Variants in LRRTM4 observed in about 807,000 individuals in gnomAD.
The protein encoded by LRRTM4 is leucine rich repeat transmembrane neuronal 4, also known as leucine-rich repeat transmembrane neuronal protein 4.
Under a neutral mutation model 47.6 loss-of-function variants are expected in LRRTM4, and 25 were observed. The ratio of observed to expected loss-of-function variants is 0.53; its 90% CI spans 0.38 to 0.73. LRRTM4 has a LOEUF of 0.73. Among genes scored for constraint, LRRTM4 ranks in the 30% least tolerant of loss-of-function variants. The pLI, the probability that LRRTM4 is intolerant of heterozygous loss-of-function variation, is 0.00. For synonymous variants in LRRTM4, 311 were observed against 269.5 expected, an observed-to-expected ratio of 1.15 and a Z score of -1.51; for missense variants, 638 against 713.4, an observed-to-expected ratio of 0.89 and a Z score of 1.20.
At chr2:76,757,023 A>C (rs1489270506) in intron 3 of LRRTM4, among the ~76,000 whole-genome samples, 4 of 152,146 alleles carry the variant, frequency 2.6e-5, no homozygotes, top group African/African-American at 9.7e-5. Context: ...TAATTCATTA[A>C]ATTTATTAAC....
chr2:77,177,863 T>C (rs1259363115), intron 3 of LRRTM4, among the ~76,000 whole-genome samples: 1 of 152,194 alleles, frequency 6.6e-6, no homozygotes, highest in Non-Finnish European at 1.5e-5. Context: ...TTCTTTATGG[T>C]TCCCTTCCAG....
chr2:77,390,157 C>T (rs1225858749), intron 3 of LRRTM4, among the ~76,000 whole-genome samples: 1 of 152,030 alleles, frequency 6.6e-6, no homozygotes, highest in East Asian at 1.9e-4. Context: ...CCAGGAAACA[C>T]TTTTCAACAT....
At chr2:77,452,608 G>A (rs761340940) in intron 3 of LRRTM4, among the ~76,000 whole-genome samples, 7 of 152,192 alleles carry the variant, frequency 4.6e-5, no homozygotes, top group Non-Finnish European at 8.8e-5. Flanking sequence ...GGTCCTGACT[G>A]CAGAAGGATC....
intron 3 of LRRTM4, among the ~76,000 whole-genome samples, chr2:77,447,370 T>C (rs976816014): frequency 6.6e-6 from 1 of 152,094 alleles, no homozygotes; most frequent in Non-Finnish European, 1.5e-5. Context: ...TCATGTGCAA[T>C]TCTGCCCACA....
intron 3 of LRRTM4, among the ~76,000 whole-genome samples, chr2:77,321,918 T>A (rs532207807): frequency 6.6e-6 from 1 of 152,310 alleles, no homozygotes. Context: ...TGTTGTGAAT[T>A]CAATAGAACT....
chr2:76,760,258 G>A (rs549696451), intron 3 of LRRTM4, among the ~76,000 whole-genome samples: 5 of 152,258 alleles, frequency 3.3e-5, no homozygotes, highest in African/African-American at 1.2e-4. Flanking sequence ...ACCTGGCACT[G>A]TGAGGAAAGC....
At chr2:77,044,574 GC>G (rs748602882) in intron 3 of LRRTM4, among the ~76,000 whole-genome samples, 10 of 151,386 alleles carry the variant, frequency 6.6e-5, no homozygotes, top group Non-Finnish European at 1.3e-4. Context: ...GTGTGTGCAT[GC>G]AAAAGGGAGG....
chr2:76,909,995 C>T (rs148283948), intron 3 of LRRTM4, among the ~76,000 whole-genome samples: 4 of 152,056 alleles, frequency 2.6e-5, no homozygotes, highest in South Asian at 2.1e-4. Flanking sequence ...CCCATTACTG[C>T]GTATATACCC....
intron 3 of LRRTM4, among the ~76,000 whole-genome samples, chr2:76,956,797 G>A (rs1222689287): frequency 2.6e-5 from 4 of 151,296 alleles, no homozygotes; most frequent in Non-Finnish European, 5.9e-5. Flanking sequence ...AGGATTTCAA[G>A]AGATTACTAT....
rs545849371 is a variant in LRRTM4, at chr2:77,461,879, G to A, written c.1551+56439C>T. On this transcript the variant is annotated intron_variant, in intron 3 of 3. Transcript: ENST00000409884. ...CTGCTATTTCTTTCTCCTATTTTTG[G>A]CTTTGTCTGCTTTCTTTTAGCAAAA... Among the ~76,000 whole-genome samples, 65 of 152,014 alleles carry A rather than the reference G, an allele frequency of 4.3e-4. No individual in the cohort carries two copies. In the South Asian group the frequency reaches 5.0e-3, roughly 12 times the overall value.
chr2:76,856,222 A>G (rs1357819344), intron 3 of LRRTM4, among the ~76,000 whole-genome samples: 2 of 152,164 alleles, frequency 1.3e-5, no homozygotes, highest in African/African-American at 2.4e-5. Flanking sequence ...GGTTGCAGTG[A>G]GCCAAGATTG....
chr2:77,452,656 A>C (rs887600911), intron 3 of LRRTM4, among the ~76,000 whole-genome samples: 14 of 152,120 alleles, frequency 9.2e-5, no homozygotes, highest in Admixed American at 6.6e-5. Context: ...ACCATCTTAA[A>C]ATTCTTAATA....
In LRRTM4 at chr2:76,796,153, C is replaced by G. The variant is rs930190732; in HGVS notation, c.1552-47237G>C. Among the ~76,000 whole-genome samples, 3 of 144,414 alleles carry G rather than the reference C, an allele frequency of 2.1e-5. 1 individual carries two copies. The highest frequency in any genetic ancestry group is 7.6e-5 in the African/African-American group (3 of 39,572). 94.7% of individuals were successfully genotyped at this position (144,414 alleles called of 152,430 possible). ...CCACAAGATTATATCCCGCACATGG[C>G]TCGCAGGGTCCTACGCCCACAGAGC... On this transcript the variant is annotated intron_variant, in intron 3 of 3. Transcript: ENST00000409884.
At chr2:76,902,410 C>A (rs1387669659) in intron 3 of LRRTM4, among the ~76,000 whole-genome samples, 1 of 152,146 alleles carries the variant, frequency 6.6e-6, no homozygotes, top group African/African-American at 2.4e-5. Context: ...ATATTTTCAA[C>A]AATGACCTTC....
intron 3 of LRRTM4, among the ~76,000 whole-genome samples, chr2:77,035,532 T>A (rs568933762): frequency 6.6e-6 from 1 of 152,046 alleles, no homozygotes. Context: ...TTTTTTAAAT[T>A]AAAATAGTGT....
intron 3 of LRRTM4, among the ~76,000 whole-genome samples, chr2:77,400,497 A>G (rs1673908356): frequency 6.6e-6 from 1 of 151,878 alleles, no homozygotes; most frequent in African/African-American, 2.4e-5. Flanking sequence ...ATTTACCTGG[A>G]TAACCAAGGG....
chr2:76,786,619 G>T (rs1674688379), intron 3 of LRRTM4, among the ~76,000 whole-genome samples: 1 of 152,080 alleles, frequency 6.6e-6, no homozygotes, highest in Non-Finnish European at 1.5e-5. Context: ...TAAGAGCAGA[G>T]AGGTAATTTG....
chr2:76,915,146 A>T (rs992007630), intron 3 of LRRTM4, among the ~76,000 whole-genome samples: 1 of 152,216 alleles, frequency 6.6e-6, no homozygotes, highest in Non-Finnish European at 1.5e-5. Context: ...TGCTTTGGGA[A>T]TAAGAGTGAA....
chr2:77,473,112 T>C (rs1677253653), intron 3 of LRRTM4, among the ~76,000 whole-genome samples: 1 of 152,120 alleles, frequency 6.6e-6, no homozygotes, highest in African/African-American at 2.4e-5. Context: ...GGCTACTTTT[T>C]TCTGCAGTTT....
Sources: allele counts gnomAD v4.1 joint callset (sites outside exome capture counted in the v4.1 genomes callset), GRCh38; gene constraint gnomAD v4.1.1; transcripts MANE v1.5; gene names NCBI Gene and HGNC (gene_info 2026-07-23, HGNC 2026-07-21).